CLEC3A: variants seen among roughly 807,000 people sequenced by gnomAD.
The protein encoded by CLEC3A is C-type lectin domain family 3 member A, also known as C-type (calcium dependent, carbohydrate-recognition domain) lectin, superfamily member 1 (cartilage-derived).
CLEC3A carries 28 observed loss-of-function variants against 20.4 expected under a neutral mutation model. The ratio of observed to expected loss-of-function variants is 1.37; its 90% confidence interval spans 1.02 to 1.88. The LOEUF (loss-of-function observed/expected upper bound fraction) is 1.88. Among genes scored for constraint, CLEC3A ranks in the 40% most tolerant of loss-of-function variants. The pLI, the probability that CLEC3A is intolerant of heterozygous loss-of-function variation, is 0.00. For missense variants in CLEC3A, 357 were observed against 240.4 expected, an observed-to-expected ratio of 1.48 and a Z score of -3.21; for synonymous variants, 110 against 88.1, an observed-to-expected ratio of 1.25 and a Z score of -1.39.
Position 78,030,975 on chromosome 16 carries a change from T to C in CLEC3A, c.*134T>C, listed in dbSNP as rs755347044. On this transcript the variant is annotated 3_prime_UTR_variant, in exon 3 of 3. Coordinates refer to ENST00000299642, the MANE Select transcript of CLEC3A (RefSeq NM_005752.6). ...AAGATCAATGTCCATAGCAATATGA[T>C]AGCATCAGCCAATTTTGCTAACACA... 5 of 982,808 alleles carry C rather than the reference T, an allele frequency of 5.1e-6. No individual in the cohort carries two copies. The highest frequency in any genetic ancestry group is 3.7e-5 in the South Asian group (2 of 54,102). 60.9% of individuals were successfully genotyped at this position (982,808 alleles called of 1,614,324 possible).
At chr16:78,024,818 T>G (rs1428182787) in intron 1 of CLEC3A, among the ~76,000 whole-genome samples, 2 of 152,168 alleles carry the variant, frequency 1.3e-5, no homozygotes, top group African/African-American at 4.8e-5. Context: ...AGTTTTGTGT[T>G]TTGTTTTTTG....
rs769393476 is a variant in CLEC3A, at chr16:78,022,610, A to C, written c.-17A>C. On this transcript the variant is annotated 5_prime_UTR_variant, in exon 1 of 3. Transcript: ENST00000299642. ...AAGGGGGCTGGCAACATGGCTCAGCAGGCTTGCCCCAGAGCCATGGCAAAG... is the reference window on the plus strand; with the variant it reads ...AAGGGGGCTGGCAACATGGCTCAGCCGGCTTGCCCCAGAGCCATGGCAAAG... 24 of 1,613,600 alleles carry C rather than the reference A, an allele frequency of 1.5e-5. No homozygotes were observed. The highest frequency in any genetic ancestry group is 1.9e-5 in the Non-Finnish European group (23 of 1,179,792).
At chr16:78,027,912 T>C (rs1487123170) in intron 1 of CLEC3A, among the ~76,000 whole-genome samples, 195 bp from the exon 2 acceptor site, 1 of 152,226 alleles carries the variant, frequency 6.6e-6, no homozygotes, top group African/African-American at 2.4e-5. Context: ...CGCCTTGGCC[T>C]CCCCAAGTGC....
rs978572308 is a variant in CLEC3A at position 78,029,674 on chromosome 16, T to C, written c.200-773T>C. On this transcript the variant is annotated intron_variant, in intron 2 of 2. Coordinates refer to ENST00000299642, the MANE Select transcript of CLEC3A (RefSeq NM_005752.6). ...TGAGCCACCACGCCAAGCATTTTTT[T>C]TTTAAACAAATATTTTTAAAAATAA... Among the ~76,000 whole-genome samples, 4 of 152,206 alleles carry C rather than the reference T, an allele frequency of 2.6e-5. No individual in the cohort carries two copies. The South Asian group carries it at 8.3e-4, about 32-fold the overall frequency.
Position 78,022,554 on chromosome 16 carries a change from T to A in CLEC3A, c.-73T>A, listed in dbSNP as rs2018763288. ...GCCCCAGGCATCCCAGAGCAAGATG[T>A]AGCTGTGTAGTCTCCTTCCATAGCT... On this transcript the variant is annotated 5_prime_UTR_variant, in exon 1 of 3. It removes the in-frame stop codon of an upstream open reading frame in the 5' UTR. Transcript: ENST00000299642. 1 of 1,568,496 alleles carries A rather than the reference T, an allele frequency of 6.4e-7. No individual in the cohort carries two copies. Among genetic ancestry groups the A allele is most frequent in the Non-Finnish European group, 8.6e-7 (1 of 1,159,114 alleles).
chr16:78,029,235 C>A, intron 2 of CLEC3A: 1 of 421,586 alleles, frequency 2.4e-6, no homozygotes. Context: ...AGGCCTGACT[C>A]TCCAGTGCTA....
chr16:78,022,790 G>C (rs2018767009), intron 1 of CLEC3A, 49 bp downstream of exon 1: 3 of 1,595,210 alleles, frequency 1.9e-6, no homozygotes, highest in Non-Finnish European at 2.6e-6. Context: ...GACAGTGTGG[G>C]GAGGTGCTGG....
Position 78,030,559 on chromosome 16 carries a change from C to A in CLEC3A, c.312C>A (p.Ile104=), listed in dbSNP as rs1156828732. The part of the protein sequence containing the change: ...DCISKGGILV[I]PRNSDEINAL... ...TTTCCAAAGGAGGAATCCTGGTTAT[C>A]CCCAGGAACTCCGACGAAATCAACG... Residue 104 remains isoleucine (I), a synonymous_variant, in exon 3 of 3, where the codon ATC becomes ATA. Coordinates refer to ENST00000299642, the MANE Select transcript of CLEC3A (RefSeq NM_005752.6). 1.2e-6 allele frequency: 2 copies of A among 1,614,120 alleles called. No homozygotes were observed. The highest frequency in any genetic ancestry group is 1.7e-6 in the Non-Finnish European group (2 of 1,180,012).
intron 2 of CLEC3A, among the ~76,000 whole-genome samples, chr16:78,029,368 G>C (rs747643392): frequency 6.6e-6 from 1 of 152,124 alleles, no homozygotes; most frequent in African/African-American, 2.4e-5. Context: ...TTAATTGATT[G>C]ATTGATTGAT....
At chr16:78,027,237 T>C (rs2029950321) in intron 1 of CLEC3A, among the ~76,000 whole-genome samples, 1 of 151,826 alleles carries the variant, frequency 6.6e-6, no homozygotes, top group African/African-American at 2.4e-5. Flanking sequence ...GAAAAGAAAA[T>C]ATACAGAATA....
chr16:78,024,629 A>C (rs1489356089), intron 1 of CLEC3A, among the ~76,000 whole-genome samples: 1 of 152,164 alleles, frequency 6.6e-6, no homozygotes, highest in Non-Finnish European at 1.5e-5. Flanking sequence ...TGAAGCAATA[A>C]ACCTAAACCG....
intron 1 of CLEC3A, among the ~76,000 whole-genome samples, chr16:78,023,707 C>T (rs564845960): frequency 6.6e-6 from 1 of 151,280 alleles, no homozygotes. Flanking sequence ...TATAAAGTAC[C>T]ATTTTTTCAG....
intron 1 of CLEC3A, among the ~76,000 whole-genome samples, chr16:78,027,882 C>G (rs2029971919): frequency 6.6e-6 from 1 of 152,214 alleles, no homozygotes; most frequent in Admixed American, 6.5e-5. Context: ...TCTCGAACTC[C>G]TGGCCTCAAG....
intron 2 of CLEC3A, among the ~76,000 whole-genome samples, chr16:78,029,507 T>C (rs1229021427): frequency 6.6e-6 from 1 of 152,070 alleles, no homozygotes; most frequent in Non-Finnish European, 1.5e-5. Flanking sequence ...TAGCTGGGAT[T>C]ATAGGCACAC....
At chr16:78,029,768 C>T (rs2030030621) in intron 2 of CLEC3A, among the ~76,000 whole-genome samples, 1 of 151,964 alleles carries the variant, frequency 6.6e-6, no homozygotes, top group Non-Finnish European at 1.5e-5. Flanking sequence ...ATGTATATAT[C>T]AGAACAGCAT....
At chr16:78,025,990 G>A (rs879350791) in intron 1 of CLEC3A, among the ~76,000 whole-genome samples, 3 of 152,186 alleles carry the variant, frequency 2.0e-5, no homozygotes, top group Non-Finnish European at 2.9e-5. Context: ...AGAGGTGACA[G>A]CTTATACCTT....
chr16:78,027,935 C>T (rs559399674), intron 1 of CLEC3A, among the ~76,000 whole-genome samples, 172 bp from the exon 2 acceptor site: 77 of 152,360 alleles, frequency 5.1e-4, no homozygotes, highest in African/African-American at 1.8e-3. Context: ...GGATTACAGG[C>T]GTGAGCCACT....
At chr16:78,026,591 A>G (rs2029929921) in intron 1 of CLEC3A, among the ~76,000 whole-genome samples, 1 of 152,200 alleles carries the variant, frequency 6.6e-6, no homozygotes, top group Admixed American at 6.5e-5. Flanking sequence ...GAATGGAGAC[A>G]ATGATTGTGT....
chr16:78,023,807 G>C (rs534728260), intron 1 of CLEC3A, among the ~76,000 whole-genome samples: 38 of 151,226 alleles, frequency 2.5e-4, no homozygotes, highest in African/African-American at 9.2e-4. Flanking sequence ...GCCCAGGCTG[G>C]AGGGCAGTGA....
Sources: gnomAD v4.1 joint callset for allele counts (sites outside exome capture counted in the v4.1 genomes callset) on GRCh38, gnomAD v4.1.1 for gene constraint, MANE v1.5 for transcripts, NCBI Gene and HGNC (gene_info 2026-07-23, HGNC 2026-07-21) for gene names.